The following VSTM4 variants were observed in gnomAD, a reference collection of about 807,000 sequenced individuals.
The protein encoded by VSTM4 is V-set and transmembrane domain containing 4.
VSTM4 carries 20 observed loss-of-function variants against 36.4 expected under a neutral mutation model. The ratio of observed to expected loss-of-function variants is 0.55; its 90% CI spans 0.39 to 0.80. The LOEUF (loss-of-function observed/expected upper bound fraction) is 0.80, where lower values mean the gene tolerates loss of function less well. Among genes scored for constraint, VSTM4 ranks in the 30% least tolerant of loss-of-function variants. The pLI is 0.00. For synonymous variants in VSTM4, 182 were observed against 173.9 expected, an observed-to-expected ratio of 1.05 and a Z score of -0.37; for missense variants, 392 against 404.5, an observed-to-expected ratio of 0.97 and a Z score of 0.26.
chr10:49,059,364 C>G (rs1426813959), intron 5 of VSTM4, among the ~76,000 whole-genome samples: 1 of 152,190 alleles, frequency 6.6e-6, no homozygotes, highest in African/African-American at 2.4e-5. Flanking sequence ...AAGGAGGCAG[C>G]CTTTCAACAA....
chr10:49,030,368 C>T (rs542021118), intron 7 of VSTM4, among the ~76,000 whole-genome samples: 116 of 152,300 alleles, frequency 7.6e-4, no homozygotes, highest in African/African-American at 2.6e-3. Flanking sequence ...GACCCAGGGT[C>T]CAGAGACACA....
rs1168429199 is a variant in VSTM4 at position 49,018,011 on chromosome 10, G to A, written c.*1639C>T. The A allele has an allele frequency of 6.6e-6, 1 of 152,192 alleles. No individual in the cohort carries two copies. Among genetic ancestry groups the A allele is most frequent in the Non-Finnish European group, 1.5e-5 (1 of 68,044 alleles). The allele number at this position is 152,192 out of a possible 1,614,324, so 9.4% of individuals were successfully genotyped here. A position where few individuals can be genotyped will look rare whatever the true frequency, so the allele number is the denominator to read the frequency against. Reference sequence around the variant, plus strand: ...GGCAGAGAGGGAGGAATGAGACACAGGTGTTATCCAGAGAGGGTGAACTTC... The same window carrying A: ...GGCAGAGAGGGAGGAATGAGACACAAGTGTTATCCAGAGAGGGTGAACTTC... On this transcript the variant is annotated 3_prime_UTR_variant, in exon 8 of 8. Coordinates refer to ENST00000332853, the MANE Select transcript of VSTM4 (RefSeq NM_001031746.5).
chr10:49,096,622 CGTGTGTGTGT>C (rs57143308), intron 2 of VSTM4, among the ~76,000 whole-genome samples: 81 of 122,576 alleles, frequency 6.6e-4, no homozygotes, highest in Admixed American at 8.0e-4. Context: ...CATTGAAGAC[CGTGTGTGTGT>C]GTGTGTGTGT....
intron 2 of VSTM4, among the ~76,000 whole-genome samples, chr10:49,090,033 C>A (rs533397945): frequency 6.6e-6 from 1 of 152,302 alleles, no homozygotes; most frequent in South Asian, 2.1e-4. Flanking sequence ...GAGGCCCCAG[C>A]AGGGTAGATG....
At chr10:49,076,534 G>A (rs576201767) in intron 4 of VSTM4, among the ~76,000 whole-genome samples, 1 of 152,348 alleles carries the variant, frequency 6.6e-6, no homozygotes, top group Non-Finnish European at 1.5e-5. Context: ...GCAGGATGCA[G>A]GGAGAGGCTC....
chr10:49,042,192 T>C (rs1445869601), intron 7 of VSTM4, among the ~76,000 whole-genome samples: 2 of 152,034 alleles, frequency 1.3e-5, no homozygotes, highest in East Asian at 3.9e-4. Context: ...CCAAGGGAAA[T>C]TGATTGTTTT....
chr10:49,071,237 T>C (rs1167316653), intron 4 of VSTM4, among the ~76,000 whole-genome samples: 3 of 152,212 alleles, frequency 2.0e-5, no homozygotes, highest in Non-Finnish European at 4.4e-5. Context: ...AAACTGCACA[T>C]TTAAAAGCTC....
chr10:49,036,229 G>A (rs750934893), intron 7 of VSTM4, among the ~76,000 whole-genome samples: 3 of 152,212 alleles, frequency 2.0e-5, no homozygotes, highest in Admixed American at 6.5e-5. Context: ...CTCAGCATCC[G>A]TTCTTCCCTC....
intron 5 of VSTM4, among the ~76,000 whole-genome samples, chr10:49,063,484 G>T (rs138359484): frequency 2.3e-4 from 35 of 152,272 alleles, no homozygotes; most frequent in African/African-American, 8.2e-4. Context: ...ATAGTAGCTT[G>T]TCAGAAGGTC....
At position 49,107,799 on chromosome 10, in the gene VSTM4, C is replaced by T. The variant is rs1219085597; in HGVS notation, c.252G>A (p.Val84=). The T allele has an allele frequency of 6.2e-7, 1 of 1,614,274 alleles. No individual in the cohort carries two copies. Among genetic ancestry groups the T allele is most frequent in the South Asian group, 1.1e-5 (1 of 91,090 alleles). The change falls in exon 2 of 8, where the codon GTG becomes GTA. Residue 84 remains valine (V), a synonymous_variant. Coordinates refer to ENST00000332853, the MANE Select transcript of VSTM4 (RefSeq NM_001031746.5). The stretch of plus-strand genomic sequence containing the variant: ...TGCGGCTGAAATTCCCATAGTACTG[C>T]ACCACCCGGAGCTTGGTCATCTTCA... ...LMVKMTKLRV[V]QYYGNFSRSA...
At chr10:49,078,811 G>A (rs543070978) in intron 3 of VSTM4, among the ~76,000 whole-genome samples, 12 of 152,128 alleles carry the variant, frequency 7.9e-5, no homozygotes, top group Non-Finnish European at 1.6e-4. Flanking sequence ...GAAACAAACT[G>A]GTACAAGGGA....
chr10:49,016,750 G>GT lies in VSTM4; in HGVS notation c.*2899dup. On this transcript the variant is annotated 3_prime_UTR_variant, in exon 8 of 8. Transcript: ENST00000332853. ...GAGCTAACAGAGTGGCGGTACATTC[G>GT]TAAAAAGGTGACTCTAAGGAATCCC... 1 of 152,310 alleles carries GT rather than the reference G, an allele frequency of 6.6e-6. No homozygotes were observed. The allele number at this position is 152,310 out of a possible 1,614,324, so 9.4% of individuals were successfully genotyped here.
intron 5 of VSTM4, among the ~76,000 whole-genome samples, chr10:49,050,041 G>A (rs903614389): frequency 1.6e-5 from 2 of 126,606 alleles, no homozygotes; most frequent in Non-Finnish European, 3.5e-5. Context: ...ATGGATTAGA[G>A]ACAGCTCATC....
chr10:49,108,265 T>A (rs1844827421), intron 1 of VSTM4, among the ~76,000 whole-genome samples: 1 of 152,234 alleles, frequency 6.6e-6, no homozygotes, highest in African/African-American at 2.4e-5. Flanking sequence ...TTTTCAAAAT[T>A]TTGTAATTAG....
chr10:49,077,145 T>C (rs978313469), intron 4 of VSTM4, 74 bp downstream of exon 4: 1 of 1,467,490 alleles, frequency 6.8e-7, no homozygotes, highest in Non-Finnish European at 9.4e-7. Context: ...AGGTGGTACT[T>C]TGTCTAGCAT....
At chr10:49,044,500 A>T (rs1403778474) in intron 7 of VSTM4, among the ~76,000 whole-genome samples, 1 of 150,788 alleles carries the variant, frequency 6.6e-6, no homozygotes, top group Admixed American at 6.6e-5. Flanking sequence ...AAAGAAAAGA[A>T]GGAAGGAAGG....
In VSTM4 at chr10:49,018,490, T is replaced by C. The variant is rs931837825; in HGVS notation, c.*1160A>G. 2 of 152,200 alleles carry C rather than the reference T, an allele frequency of 1.3e-5. No individual in the cohort carries two copies. Among genetic ancestry groups the C allele is most frequent in the African/African-American group, 4.8e-5 (2 of 41,448 alleles). The allele number at this position is 152,200 out of a possible 1,614,324, so 9.4% of individuals were successfully genotyped here. On this transcript the variant is annotated 3_prime_UTR_variant, in exon 8 of 8. Coordinates refer to ENST00000332853, the MANE Select transcript of VSTM4 (RefSeq NM_001031746.5). ...TATCATATATACATGGTCCACTACA[T>C]AGTCAAACAATTTCTATAGTGGGCA...
At position 49,048,548 on chromosome 10, in the gene VSTM4, G is replaced by C; in HGVS notation, c.705C>G (p.Ala235=). 6.3e-7 allele frequency: 1 copy of C among 1,597,622 alleles called. No individual in the cohort carries two copies. Among genetic ancestry groups the C allele is most frequent in the Non-Finnish European group, 8.5e-7 (1 of 1,174,204 alleles). ...GETVTSVTSL[A]PLQPKKGKRQ... ...TCTTGCCCTTCTTGGGCTGTAGTGGGGCCAAGCTGGTCACGCTAGTGACAG... is the reference window on the plus strand; with the variant it reads ...TCTTGCCCTTCTTGGGCTGTAGTGGCGCCAAGCTGGTCACGCTAGTGACAG... The change falls in exon 6 of 8, where the codon GCC becomes GCG. Residue 235 remains alanine, a synonymous_variant. Coordinates refer to ENST00000332853, the MANE Select transcript of VSTM4 (RefSeq NM_001031746.5).
intron 2 of VSTM4, among the ~76,000 whole-genome samples, chr10:49,088,451 A>G (rs1428114194): frequency 6.6e-6 from 1 of 152,226 alleles, no homozygotes; most frequent in African/African-American, 2.4e-5. Context: ...TAGCCCCTGT[A>G]ATCTACTGAC....
Sources: allele counts gnomAD v4.1 joint callset (sites outside exome capture counted in the v4.1 genomes callset), GRCh38; gene constraint gnomAD v4.1.1; transcripts MANE v1.5; gene names NCBI Gene and HGNC (gene_info 2026-07-23, HGNC 2026-07-21).